PYGO1: variants seen among roughly 807,000 people sequenced by gnomAD.
PYGO1 encodes the protein pygopus homolog 1.
PYGO1 carries 6 observed loss-of-function variants against 29.5 expected under a neutral mutation model. The ratio of observed to expected loss-of-function variants is 0.20; its 90% CI spans 0.11 to 0.40. The LOEUF (loss-of-function observed/expected upper bound fraction) is 0.40, where lower values mean the gene tolerates loss of function less well. Ranked by LOEUF, PYGO1 falls within the 10% of genes least tolerant of loss-of-function variation. The pLI, the probability that PYGO1 is intolerant of heterozygous loss-of-function variation, is 1.00. For synonymous variants in PYGO1, 186 were observed against 180.5 expected (o/e 1.03, Z -0.24); for missense variants, 515 against 514.9 (o/e 1.00, Z 0.00).
rs992736119 is a variant in PYGO1 at position 55,539,534 on chromosome 15, G to A, written c.*6489C>T. ...ATGAATTAATAATACTTCTTTAGACGTCTATGATCTAAATAGAAACAGACT... is the reference window on the plus strand; with the variant it reads ...ATGAATTAATAATACTTCTTTAGACATCTATGATCTAAATAGAAACAGACT... On this transcript the variant is annotated 3_prime_UTR_variant, in exon 3 of 3. Coordinates refer to ENST00000563719, the MANE Select transcript of PYGO1 (RefSeq NM_001367806.1). The A allele has an allele frequency of 1.3e-5, 2 of 151,774 alleles. No homozygotes were observed. Among genetic ancestry groups the A allele is most frequent in the African/African-American group, 2.4e-5 (1 of 41,328 alleles). 9.4% of individuals were successfully genotyped at this position (151,774 alleles called of 1,614,324 possible). A position where few individuals can be genotyped will look rare whatever the true frequency, so the allele number is the denominator to read the frequency against.
intron 1 of PYGO1, among the ~76,000 whole-genome samples, chr15:55,558,308 C>T (rs1158100031): frequency 1.8e-4 from 3 of 17,028 alleles, no homozygotes; most frequent in South Asian, 1.3e-3. Context: ...TGAAGGACCT[C>T]TTCAAGAACT....
At chr15:55,564,590 C>G (rs1278751737) in intron 1 of PYGO1, among the ~76,000 whole-genome samples, 1 of 82,234 alleles carries the variant, frequency 1.2e-5, no homozygotes, top group Non-Finnish European at 3.2e-5. Flanking sequence ...GTGGCCATGC[C>G]TGTCCCAGGG....
At chr15:55,558,312 A>AAGG (rs112768708) in intron 1 of PYGO1, among the ~76,000 whole-genome samples, 142,144 of 151,290 alleles carry the variant, frequency 0.94, 66,947 homozygotes, top group Non-Finnish European at 0.97. Context: ...GGACCTCTTC[A>AAGG]AGAACTACAA....
intron 2 of PYGO1, among the ~76,000 whole-genome samples, 160 bp downstream of exon 2, chr15:55,548,725 AAAAAAAAAAAAAAAAAAAAAAAAAG>A (rs1396000204): frequency 8.0e-4 from 33 of 41,006 alleles, no homozygotes; most frequent in Middle Eastern, 0.011. Context: ...AAAAAAAAAA[AAAAAAAAAAAAAAAAAAAAAAAAAG>A]AAAGTACCAT....
chr15:55,546,306 G>A lies in PYGO1; in HGVS notation c.977C>T (p.Ser326Phe), dbSNP rs61737322. ...ACTTEKSNKS[S>F]LHPNRHGHSS... ...ATGGCCATGACGGTTTGGGTGAAGA[G>A]AGGATTTATTGCTTTTTTCTGTGGT... is the stretch of plus-strand genomic sequence containing the variant. Residue 326 changes from serine to phenylalanine, a missense_variant, in exon 3 of 3, where the codon TCT (serine) becomes TTT (phenylalanine). By Grantham distance (155) the Ser-to-Phe change is radical (BLOSUM62 -2). Coordinates refer to ENST00000563719, the MANE Select transcript of PYGO1 (RefSeq NM_001367806.1). 8.1e-4 allele frequency: 1,314 copies of A among 1,614,214 alleles called. 15 individuals carry two copies. The African/African-American group carries it at 0.016, about 19-fold the overall frequency.
intron 1 of PYGO1, among the ~76,000 whole-genome samples, chr15:55,579,926 TATTA>T (rs1386395853): frequency 6.6e-6 from 1 of 152,172 alleles, no homozygotes; most frequent in Non-Finnish European, 1.5e-5. Flanking sequence ...AGTTTTATGG[TATTA>T]ATTTTATATT....
rs904238339 is a variant in PYGO1, at chr15:55,538,960, A to G, written c.*7063T>C. 3 of 152,210 alleles carry G rather than the reference A, an allele frequency of 2.0e-5. No homozygotes were observed. Among genetic ancestry groups the G allele is most frequent in the Non-Finnish European group, 4.4e-5 (3 of 68,038 alleles). The allele number at this position is 152,210 out of a possible 1,614,324, so 9.4% of individuals were successfully genotyped here. On this transcript the variant is annotated 3_prime_UTR_variant, in exon 3 of 3. Coordinates refer to ENST00000563719, the MANE Select transcript of PYGO1 (RefSeq NM_001367806.1). ...ACTATAGGAAACAAACTTACAATACATATTATTCAAGAAAGCCTGCCATAC... is the reference window on the plus strand; with the variant it reads ...ACTATAGGAAACAAACTTACAATACGTATTATTCAAGAAAGCCTGCCATAC...
In PYGO1 at chr15:55,546,499, T is replaced by C. The variant is rs2058851439; in HGVS notation, c.784A>G (p.Met262Val). The C allele has an allele frequency of 1.2e-6, 2 of 1,614,032 alleles. No homozygotes were observed. Among genetic ancestry groups the C allele is most frequent in the Admixed American group, 1.7e-5 (1 of 59,996 alleles). Residue 262 changes from methionine (M) to valine (V), a missense_variant, in exon 3 of 3, where the codon ATG becomes GTG. Transcript: ENST00000563719. Reference protein sequence around the residue: ...NSSAHPPHLNMDDTVNQSNIE... With the variant: ...NSSAHPPHLNVDDTVNQSNIE... ...TTACTCTGATTCACTGTGTCATCCA[T>C]ATTCAAGTGAGGTGGATGAGCAGAG...
chr15:55,548,663 C>T (rs557567618), intron 2 of PYGO1, among the ~76,000 whole-genome samples: 2 of 126,034 alleles, frequency 1.6e-5, no homozygotes, highest in South Asian at 5.1e-4. Context: ...CTGAGATCAC[C>T]CCACTGCACT....
rs892678938 is a variant in PYGO1, at chr15:55,543,153, C to T, written c.*2870G>A. 1 of 151,700 alleles carries T rather than the reference C, an allele frequency of 6.6e-6. No individual in the cohort carries two copies. Among genetic ancestry groups the T allele is most frequent in the African/African-American group, 2.4e-5 (1 of 41,282 alleles). The allele number at this position is 151,700 out of a possible 1,614,324, so 9.4% of individuals were successfully genotyped here. A position where few individuals can be genotyped will look rare whatever the true frequency, so the allele number is the denominator to read the frequency against. Reference sequence around the variant, plus strand: ...GGATTATACCAAAAAAGGTACAATTCCACCTGTGTTTTTTTCCATCACTGC... The same window carrying T: ...GGATTATACCAAAAAAGGTACAATTTCACCTGTGTTTTTTTCCATCACTGC... On this transcript the variant is annotated 3_prime_UTR_variant, in exon 3 of 3. Transcript: ENST00000563719.
At chr15:55,572,156 A>AT (rs1450637371) in intron 1 of PYGO1, among the ~76,000 whole-genome samples, 1 of 152,188 alleles carries the variant, frequency 6.6e-6, no homozygotes, top group Non-Finnish European at 1.5e-5. Context: ...TCACTTCCTG[A>AT]TTTCATACTA....
chr15:55,581,715 A>ATATTTACT (rs2059025521), intron 1 of PYGO1, among the ~76,000 whole-genome samples: 1 of 152,204 alleles, frequency 6.6e-6, no homozygotes, highest in African/African-American at 2.4e-5. Context: ...AGGATTAAGC[A>ATATTTACT]GGAAGATCCA....
chr15:55,543,940 C>G lies in PYGO1; in HGVS notation c.*2083G>C, dbSNP rs763748045. 1 of 152,188 alleles carries G rather than the reference C, an allele frequency of 6.6e-6. No homozygotes were observed. Among genetic ancestry groups the G allele is most frequent in the Admixed American group, 6.5e-5 (1 of 15,282 alleles). 9.4% of individuals were successfully genotyped at this position (152,188 alleles called of 1,614,324 possible). On this transcript the variant is annotated 3_prime_UTR_variant, in exon 3 of 3. Transcript: ENST00000563719. ...ATAAAAAATCCAAGTAAAATGAGATCTTCAAGTACACTACTGAACACCATC... is the reference window on the plus strand; with the variant it reads ...ATAAAAAATCCAAGTAAAATGAGATGTTCAAGTACACTACTGAACACCATC...
In PYGO1 at chr15:55,544,617, A is replaced by C. The variant is rs543742033; in HGVS notation, c.*1406T>G. 1.3e-5 allele frequency: 2 copies of C among 152,304 alleles called. No individual in the cohort carries two copies. The highest frequency in any genetic ancestry group is 4.2e-4 in the South Asian group (2 of 4,818). The allele number at this position is 152,304 out of a possible 1,614,324, so 9.4% of individuals were successfully genotyped here. On this transcript the variant is annotated 3_prime_UTR_variant, in exon 3 of 3. Transcript: ENST00000563719. ...TTCTTGATAATATGCTGCTGCCGTC[A>C]TTGTTTCACTTGGGTTTAAATAACA...
At chr15:55,566,016 T>C (rs947627913) in intron 1 of PYGO1, among the ~76,000 whole-genome samples, 1 of 152,136 alleles carries the variant, frequency 6.6e-6, no homozygotes, top group Non-Finnish European at 1.5e-5. Context: ...CTCCTGACCT[T>C]GTCATCAGCC....
At chr15:55,569,684 G>T (rs957432878) in intron 1 of PYGO1, among the ~76,000 whole-genome samples, 2 of 152,052 alleles carry the variant, frequency 1.3e-5, no homozygotes, top group East Asian at 1.9e-4. Flanking sequence ...CAATTTTTTT[G>T]AATTTATTGA....
rs1324621605 is a variant in PYGO1 at position 55,546,809 on chromosome 15, A to G, written c.474T>C (p.Asn158=). 1.2e-6 allele frequency: 2 copies of G among 1,614,014 alleles called. No individual in the cohort carries two copies. The highest frequency in any genetic ancestry group is 1.7e-6 in the Non-Finnish European group (2 of 1,179,934). ...FGPHDNSSFG[N]PSYNNALSQN... ...GACTTAGTGCATTATTATAAGATGG[A>G]TTACCGAAACTTGAATTATCATGTG... The change falls in exon 3 of 3, where the codon AAT becomes AAC. Residue 158 remains asparagine, a synonymous_variant. Transcript: ENST00000563719.
intron 1 of PYGO1, among the ~76,000 whole-genome samples, chr15:55,579,493 C>T (rs1295203133): frequency 1.3e-5 from 2 of 151,944 alleles, no homozygotes; most frequent in Non-Finnish European, 2.9e-5. Flanking sequence ...TAATCTAGGA[C>T]ATCTAAATTA....
intron 2 of PYGO1, among the ~76,000 whole-genome samples, chr15:55,547,355 T>C (rs959215121): frequency 6.6e-6 from 1 of 152,226 alleles, no homozygotes; most frequent in African/African-American, 2.4e-5. Context: ...TTTTATTTCA[T>C]TTCCAAAAGA....
Sources: gnomAD v4.1 joint callset for allele counts (sites outside exome capture counted in the v4.1 genomes callset) on GRCh38, gnomAD v4.1.1 for gene constraint, MANE v1.5 for transcripts, NCBI Gene and HGNC (gene_info 2026-07-23, HGNC 2026-07-21) for gene names.